FLRT1: variants seen among roughly 807,000 people sequenced by gnomAD.
The protein encoded by FLRT1 is fibronectin leucine rich transmembrane protein 1, also known as leucine-rich repeat transmembrane protein FLRT1.
Under a neutral mutation model 30.9 loss-of-function variants are expected in FLRT1, and 14 were observed. The observed-to-expected ratio is 0.45, with a 90% CI of 0.30 to 0.71. The LOEUF is 0.71. FLRT1 is among the 30% of genes least tolerant of loss of function. The pLI is 0.08. For synonymous variants in FLRT1, 368 were observed against 430.4 expected (o/e 0.85, Z 1.80); for missense variants, 737 against 949.2 (o/e 0.78, Z 2.94).
At chr11:64,099,075 C>T (rs1275551306) in intron 1 of FLRT1, among the ~76,000 whole-genome samples, 1 of 152,244 alleles carries the variant, frequency 6.6e-6, no homozygotes. Flanking sequence ...GGCAGTGGCT[C>T]TAGAAGATAG....
chr11:64,117,501 C>T lies in FLRT1; in HGVS notation c.1234C>T (p.Leu412Phe). The T allele has an allele frequency of 3.1e-6, 5 of 1,610,380 alleles. No individual in the cohort carries two copies. Among genetic ancestry groups the T allele is most frequent in the Non-Finnish European group, 4.2e-6 (5 of 1,177,512 alleles). The stretch of plus-strand genomic sequence containing the variant: ...CACGCCCCAGGGTTCCCTGTTTACC[C>T]TCAAGGCCAAAAGGCCAGGGCTGCG... ...ATTPQGSLFTLKAKRPGLRLP... is the reference protein window; with the variant it reads ...ATTPQGSLFTFKAKRPGLRLP... The change falls in exon 3 of 3, where the codon CTC becomes TTC. Residue 412 changes from leucine (L) to phenylalanine (F), a missense_variant. Coordinates refer to ENST00000682287, the MANE Select transcript of FLRT1 (RefSeq NM_013280.5).
chr11:64,045,545 T>C lies in FLRT1; in HGVS notation c.-1038+9386T>C, dbSNP rs201112128. 5.6e-4 allele frequency among the ~76,000 whole-genome samples: 86 copies of C among 152,272 alleles called. 1 individual carries two copies. In the East Asian group the frequency reaches 0.011, roughly 19 times the overall value. ...CCTATCCCAGCCTCTGGGTCACTTA[T>C]GGGACCCAATTTGGTAGGTAGGGGG... is the stretch of plus-strand genomic sequence containing the variant. On this transcript the variant is annotated intron_variant, in intron 1 of 2. Transcript: ENST00000682287.
intron 1 of FLRT1, among the ~76,000 whole-genome samples, chr11:64,087,419 G>A (rs538145246): frequency 9.8e-5 from 15 of 152,294 alleles, no homozygotes; most frequent in South Asian, 4.1e-4. Flanking sequence ...AGGAGACTCC[G>A]GGGTGCGTCT....
rs141783728 is a variant in FLRT1 at position 64,037,694 on chromosome 11, G to A, written c.-1038+1535G>A. Among the ~76,000 whole-genome samples the A allele has an allele frequency of 1.3e-3, 195 of 152,274 alleles. 1 individual carries two copies. The Middle Eastern group carries it at 0.024, about 19-fold the overall frequency. The stretch of plus-strand genomic sequence containing the variant: ...AGTCCCATGTTCTTTCCCAGACACA[G>A]AGACTGGATACTCTTCAGTAAAAAG... On this transcript the variant is annotated intron_variant, in intron 1 of 2. Coordinates refer to ENST00000682287, the MANE Select transcript of FLRT1 (RefSeq NM_013280.5).
chr11:64,061,563 AC>A (rs1159621592), intron 1 of FLRT1, among the ~76,000 whole-genome samples: 3 of 151,684 alleles, frequency 2.0e-5, no homozygotes, highest in East Asian at 3.9e-4. Context: ...TCTGAGCACC[AC>A]CCCCCATTTG....
chr11:64,084,308 G>A (rs567740002), intron 1 of FLRT1, among the ~76,000 whole-genome samples: 194 of 152,288 alleles, frequency 1.3e-3, no homozygotes, highest in African/African-American at 4.4e-3. Context: ...GAACACATGT[G>A]TGAGAGTGGG....
intron 1 of FLRT1, among the ~76,000 whole-genome samples, chr11:64,056,071 A>G (rs1363373277): frequency 6.6e-6 from 1 of 152,210 alleles, no homozygotes; most frequent in Non-Finnish European, 1.5e-5. Flanking sequence ...AGGAGGCTGT[A>G]TTCAGACAGG....
At chr11:64,060,126 T>C (rs1943870734) in intron 1 of FLRT1, among the ~76,000 whole-genome samples, 1 of 152,234 alleles carries the variant, frequency 6.6e-6, no homozygotes, top group Non-Finnish European at 1.5e-5. Context: ...CCTTACTTTG[T>C]TTAATTAGTG....
intron 1 of FLRT1, among the ~76,000 whole-genome samples, chr11:64,070,480 A>G (rs1296227223): frequency 1.3e-5 from 2 of 152,210 alleles, no homozygotes; most frequent in African/African-American, 4.8e-5. Flanking sequence ...GCTGGTGGGA[A>G]GCTTTCGGAC....
At position 64,117,972 on chromosome 11, in the gene FLRT1, G is replaced by A. The variant is rs780913370; in HGVS notation, c.1705G>A (p.Val569Ile). ...GAVALVFLFL[V>I]LGAICWYVHQ... ...AGTGGCTCTGGTCTTCCTCTTCCTGGTCCTGGGGGCCATCTGCTGGTACGT... is the reference window on the plus strand; with the variant it reads ...AGTGGCTCTGGTCTTCCTCTTCCTGATCCTGGGGGCCATCTGCTGGTACGT... Residue 569 changes from valine to isoleucine, a missense_variant, in exon 3 of 3, where the codon GTC becomes ATC. By Grantham distance (29) the Val-to-Ile change is conservative. Coordinates refer to ENST00000682287, the MANE Select transcript of FLRT1 (RefSeq NM_013280.5). 2.0e-5 allele frequency: 32 copies of A among 1,613,672 alleles called. No homozygotes were observed. The highest frequency in any genetic ancestry group is 2.5e-5 in the Non-Finnish European group (30 of 1,180,036).
intron 1 of FLRT1, among the ~76,000 whole-genome samples, chr11:64,097,258 G>T (rs937336750): frequency 1.3e-5 from 2 of 152,242 alleles, no homozygotes; most frequent in Non-Finnish European, 2.9e-5. Flanking sequence ...AGGTAGGGAG[G>T]GGCAGGTGGC....
At chr11:64,111,657 G>T (rs1421817748) in intron 2 of FLRT1, among the ~76,000 whole-genome samples, 1 of 152,154 alleles carries the variant, frequency 6.6e-6, no homozygotes, top group African/African-American at 2.4e-5. Flanking sequence ...CCTGTGAAGG[G>T]GGGTGGGTGA....
intron 1 of FLRT1, among the ~76,000 whole-genome samples, chr11:64,078,256 G>C (rs1944239954): frequency 6.6e-6 from 1 of 152,148 alleles, no homozygotes; most frequent in South Asian, 2.1e-4. Flanking sequence ...GGGCAGGTGT[G>C]CTCTCAGCAC....
chr11:64,093,769 C>G (rs1944530457), intron 1 of FLRT1, among the ~76,000 whole-genome samples: 1 of 152,238 alleles, frequency 6.6e-6, no homozygotes, highest in South Asian at 2.1e-4. Flanking sequence ...GAGCCCAGAA[C>G]AGAACAGTGT....
chr11:64,080,208 T>G (rs547689060), intron 1 of FLRT1, among the ~76,000 whole-genome samples: 1 of 152,162 alleles, frequency 6.6e-6, no homozygotes, highest in South Asian at 2.1e-4. Context: ...AGACGGGGTA[T>G]CAACATGTTG....
intron 1 of FLRT1, among the ~76,000 whole-genome samples, chr11:64,043,729 C>T (rs1396421565): frequency 1.3e-5 from 2 of 152,132 alleles, no homozygotes; most frequent in African/African-American, 4.8e-5. Context: ...TGAGGCTTCA[C>T]AACAGCCCCA....
intron 1 of FLRT1, among the ~76,000 whole-genome samples, chr11:64,047,327 A>G (rs932555038): frequency 6.6e-6 from 1 of 152,090 alleles, no homozygotes; most frequent in Admixed American, 6.6e-5. Flanking sequence ...GCGTGAGCCC[A>G]TTTTAAGAAG....
intron 1 of FLRT1, among the ~76,000 whole-genome samples, chr11:64,079,054 C>G (rs547423966): frequency 2.2e-5 from 3 of 137,864 alleles, no homozygotes; most frequent in African/African-American, 8.2e-5. Context: ...AGCCGCTGTG[C>G]GGACAGACCG....
chr11:64,059,214 G>C (rs893049984), intron 1 of FLRT1, among the ~76,000 whole-genome samples: 1 of 152,214 alleles, frequency 6.6e-6, no homozygotes, highest in African/African-American at 2.4e-5. Context: ...AGGGGGCAAA[G>C]GCTGGCTCCA....
Sources: gnomAD v4.1 joint callset for allele counts (sites outside exome capture counted in the v4.1 genomes callset) on GRCh38, gnomAD v4.1.1 for gene constraint, MANE v1.5 for transcripts, NCBI Gene and HGNC (gene_info 2026-07-23, HGNC 2026-07-21) for gene names.